Variants in OR9G4 observed in about 807,000 individuals in gnomAD.
The protein encoded by OR9G4 is olfactory receptor family 9 subfamily G member 4, also known as olfactory receptor 9G4.
A neutral mutation model predicts 16.7 loss-of-function variants in OR9G4; 19 were observed. That is an observed-to-expected ratio of 1.14 (90% CI 0.79 to 1.67). The LOEUF (loss-of-function observed/expected upper bound fraction) is 1.67. Ranked by LOEUF, OR9G4 falls within the 40% of genes most tolerant of loss-of-function variation. The pLI, the probability that OR9G4 is intolerant of heterozygous loss-of-function variation, is 0.00. For synonymous variants in OR9G4, 182 were observed against 146.2 expected (o/e 1.24, Z -1.76); for missense variants, 428 against 370.4 (o/e 1.16, Z -1.28).
chr11:56,745,743 G>A (rs1270132315), intron 1 of OR9G4, among the ~76,000 whole-genome samples: 1 of 149,778 alleles, frequency 6.7e-6, no homozygotes, highest in East Asian at 2.0e-4. Context: ...TTGCACTCCA[G>A]CAAGGGTGAC....
At position 56,743,170 on chromosome 11, in the gene OR9G4, C is replaced by G. The variant is rs766060642; in HGVS notation, c.597G>C (p.Leu199=). ...GTACTGTGAAGCCCACCACACCAAG[C>G]AGGACTTTTTCGTAGACCCTGGTGT... is the stretch of plus-strand genomic sequence containing the variant. ...CTNTRVYEKV[L]LGVVGFTVLS... Residue 199 remains leucine, a synonymous_variant, in exon 2 of 2, where the codon CTG becomes CTC. Transcript: ENST00000641668. The G allele has an allele frequency of 5.6e-6, 9 of 1,613,962 alleles. No homozygotes were observed. The highest frequency in any genetic ancestry group is 4.0e-5 in the African/African-American group (3 of 74,890).
chr11:56,743,425 G>T lies in OR9G4; in HGVS notation c.342C>A (p.Leu114=), dbSNP rs1858344382. ...GGCGGTCATATGCCATGGCTGCCAGGAGATAGCATTCAGTGTAGGCTACAA... is the reference window on the plus strand; with the variant it reads ...GGCGGTCATATGCCATGGCTGCCAGTAGATAGCATTCAGTGTAGGCTACAA... ...SCVVAYTECY[L]LAAMAYDRHA... The change falls in exon 2 of 2, where the codon CTC becomes CTA. Residue 114 remains leucine, a synonymous_variant. Coordinates refer to ENST00000641668, the MANE Select transcript of OR9G4 (RefSeq NM_001005284.2). The T allele has an allele frequency of 2.5e-6, 4 of 1,614,000 alleles. No homozygotes were observed. Among genetic ancestry groups the T allele is most frequent in the Admixed American group, 1.7e-5 (1 of 59,990 alleles).
chr11:56,741,415 T>A lies in OR9G4; in HGVS notation c.*1413A>T, dbSNP rs186480713. 1.7e-5 allele frequency: 3 copies of A among 172,768 alleles called. No homozygotes were observed. The Admixed American group carries it at 1.9e-4, about 11-fold the overall frequency. 10.7% of individuals were successfully genotyped at this position (172,768 alleles called of 1,614,324 possible). ...TTTACGATGTTCTTTCCCATAATAT[T>A]GACCCAATTATTTTTCCTACATAGT... On this transcript the variant is annotated 3_prime_UTR_variant, in exon 2 of 2. Coordinates refer to ENST00000641668, the MANE Select transcript of OR9G4 (RefSeq NM_001005284.2).
At position 56,741,342 on chromosome 11, in the gene OR9G4, G is replaced by T. The variant is rs1408257941; in HGVS notation, c.*1486C>A. ...TTAAAATTCAGTATCTCCGATTAAT[G>T]CAAAATGGAAAAGTAATTATTCTGA... On this transcript the variant is annotated 3_prime_UTR_variant, in exon 2 of 2. Coordinates refer to ENST00000641668, the MANE Select transcript of OR9G4 (RefSeq NM_001005284.2). The T allele has an allele frequency of 5.8e-6, 1 of 172,542 alleles. No individual in the cohort carries two copies. Among genetic ancestry groups the T allele is most frequent in the African/African-American group, 2.4e-5 (1 of 41,664 alleles). 10.7% of individuals were successfully genotyped at this position (172,542 alleles called of 1,614,324 possible).
intron 1 of OR9G4, among the ~76,000 whole-genome samples, chr11:56,748,309 A>G (rs536735): frequency 1 from 152,238 of 152,344 alleles, 76,066 homozygotes; most frequent in Non-Finnish European, 1. Flanking sequence ...CTCAAAATTA[A>G]TACCAAGAAG....
At chr11:56,746,148 C>T (rs983688439) in intron 1 of OR9G4, among the ~76,000 whole-genome samples, 1 of 151,122 alleles carries the variant, frequency 6.6e-6, no homozygotes, top group African/African-American at 2.4e-5. Flanking sequence ...AAAAAATTAG[C>T]CGGGCGTAGT....
intron 1 of OR9G4, among the ~76,000 whole-genome samples, chr11:56,747,217 T>TTAC (rs1858431316): frequency 6.7e-6 from 1 of 148,644 alleles, no homozygotes; most frequent in Non-Finnish European, 1.5e-5. Flanking sequence ...ATTATTATTA[T>TTAC]ACTTTAAGTT....
rs1486921463 is a variant in OR9G4 at position 56,741,280 on chromosome 11, A to G, written c.*1548T>C. ...TTGAGATCAGACTATAATATATACT[A>G]CAGTATTGTAGATTCAATTGAATAC... On this transcript the variant is annotated 3_prime_UTR_variant, in exon 2 of 2. Transcript: ENST00000641668. 3.9e-6 allele frequency: 1 copy of G among 253,330 alleles called. No individual in the cohort carries two copies. The highest frequency in any genetic ancestry group is 7.8e-6 in the Non-Finnish European group (1 of 127,984). The allele number at this position is 253,330 out of a possible 1,614,324, so 15.7% of individuals were successfully genotyped here.
Position 56,742,914 on chromosome 11 carries a change from G to A in OR9G4, c.853C>T (p.Leu285Phe). 6.2e-7 allele frequency: 1 copy of A among 1,614,084 alleles called. No individual in the cohort carries two copies. The highest frequency in any genetic ancestry group is 8.5e-7 in the Non-Finnish European group (1 of 1,179,968). The change falls in exon 2 of 2, where the codon CTC becomes TTC. Residue 285 changes from leucine to phenylalanine, a missense_variant. Coordinates refer to ENST00000641668, the MANE Select transcript of OR9G4 (RefSeq NM_001005284.2). ...CTCAGGCTATAGATGAGAGGGTTGA[G>A]CAGTGGGTTGATCACGGTGTAGAAC... Reference protein sequence around the residue: ...ALFYTVINPLLNPLIYSLRNK... With the variant: ...ALFYTVINPLFNPLIYSLRNK...
At chr11:56,747,843 G>A (rs1408886505) in intron 1 of OR9G4, among the ~76,000 whole-genome samples, 2 of 151,860 alleles carry the variant, frequency 1.3e-5, no homozygotes, top group African/African-American at 2.4e-5. Context: ...CCTGGCTAAT[G>A]TTTTGTATTT....
Position 56,743,101 on chromosome 11 carries a change from G to C in OR9G4, c.666C>G (p.Leu222=). ...LAILISYVNI[L]LAILRIHSAS... ...CTGAGTGGATTCTCAGGATAGCCAG[G>C]AGGATGTTGACATAGGAAATCAGGA... is the stretch of plus-strand genomic sequence containing the variant. Residue 222 remains leucine, a synonymous_variant, in exon 2 of 2, where the codon CTC becomes CTG. Transcript: ENST00000641668. 6.2e-7 allele frequency: 1 copy of C among 1,614,170 alleles called. No individual in the cohort carries two copies. The highest frequency in any genetic ancestry group is 8.5e-7 in the Non-Finnish European group (1 of 1,180,022).
rs1336894125 is a variant in OR9G4, at chr11:56,743,430, A to C, written c.337T>G (p.Tyr113Asp). The change falls in exon 2 of 2, where the codon TAT becomes GAT. Residue 113 changes from tyrosine to aspartate, a missense_variant. By Grantham distance (160) the Tyr-to-Asp change is radical (BLOSUM62 -3). Coordinates refer to ENST00000641668, the MANE Select transcript of OR9G4 (RefSeq NM_001005284.2). ...TCATATGCCATGGCTGCCAGGAGAT[A>C]GCATTCAGTGTAGGCTACAACACAG... The part of the protein sequence containing the change: ...FSCVVAYTEC[Y>D]LLAAMAYDRH... 1.2e-6 allele frequency: 2 copies of C among 1,614,090 alleles called. No homozygotes were observed. The highest frequency in any genetic ancestry group is 4.5e-5 in the East Asian group (2 of 44,886).
At position 56,743,425 on chromosome 11, in the gene OR9G4, G is replaced by C; in HGVS notation, c.342C>G (p.Leu114=). The stretch of plus-strand genomic sequence containing the variant: ...GGCGGTCATATGCCATGGCTGCCAG[G>C]AGATAGCATTCAGTGTAGGCTACAA... ...SCVVAYTECY[L]LAAMAYDRHA... The change falls in exon 2 of 2, where the codon CTC becomes CTG. Residue 114 remains leucine, a synonymous_variant. Coordinates refer to ENST00000641668, the MANE Select transcript of OR9G4 (RefSeq NM_001005284.2). 2 of 1,614,116 alleles carry C rather than the reference G, an allele frequency of 1.2e-6. No homozygotes were observed. The highest frequency in any genetic ancestry group is 2.2e-5 in the South Asian group (2 of 91,068).
intron 1 of OR9G4, among the ~76,000 whole-genome samples, chr11:56,744,930 G>C (rs918810383): frequency 6.6e-6 from 1 of 152,180 alleles, no homozygotes; most frequent in African/African-American, 2.4e-5. Context: ...GGCATAGGCA[G>C]AATTGCCCAA....
chr11:56,746,116 AC>A (rs1365932178), intron 1 of OR9G4, among the ~76,000 whole-genome samples: 2 of 151,104 alleles, frequency 1.3e-5, no homozygotes, highest in African/African-American at 4.9e-5. Context: ...AAACGGTGAA[AC>A]CCCGTCTCTA....
intron 1 of OR9G4, among the ~76,000 whole-genome samples, chr11:56,748,352 C>T (rs566683027): frequency 1.4e-4 from 21 of 152,312 alleles, no homozygotes; most frequent in Non-Finnish European, 2.8e-4. Context: ...TTTAGAGTAG[C>T]ACAATCACTG....
intron 1 of OR9G4, chr11:56,744,100 C>G: frequency 3.2e-6 from 1 of 316,722 alleles, no homozygotes; most frequent in Non-Finnish European, 5.7e-6. Context: ...TGGAATCTCA[C>G]TCTGTCACCC....
intron 1 of OR9G4, among the ~76,000 whole-genome samples, chr11:56,746,938 A>G (rs1382954594): frequency 1.3e-5 from 2 of 152,110 alleles, no homozygotes; most frequent in South Asian, 2.1e-4. Context: ...CTTGTTCCCT[A>G]TGGTATATTT....
At chr11:56,747,750 C>T (rs1384303141) in intron 1 of OR9G4, among the ~76,000 whole-genome samples, 1 of 152,058 alleles carries the variant, frequency 6.6e-6, no homozygotes, top group Admixed American at 6.6e-5. Flanking sequence ...TCTCCACTCA[C>T]AGCAACCTCT....
Sources: gnomAD v4.1 joint callset for allele counts (sites outside exome capture counted in the v4.1 genomes callset) on GRCh38, gnomAD v4.1.1 for gene constraint, MANE v1.5 for transcripts, NCBI Gene and HGNC (gene_info 2026-07-23, HGNC 2026-07-21) for gene names.